The following PLK5 variants were observed in gnomAD, a reference collection of about 807,000 sequenced individuals.
PLK5 encodes inactive serine/threonine-protein kinase PLK5.
Under a neutral mutation model 33.7 loss-of-function variants are expected in PLK5, and 28 were observed. The ratio of observed to expected loss-of-function variants is 0.83; its 90% CI spans 0.62 to 1.14. PLK5 has a LOEUF of 1.14. Among genes scored for constraint, PLK5 ranks in the 50% most tolerant of loss-of-function variants. The pLI, the probability that PLK5 is intolerant of heterozygous loss-of-function variation, is 0.00. For synonymous variants in PLK5, 225 were observed against 202.2 expected, an observed-to-expected ratio of 1.11 and a Z score of -0.96; for missense variants, 492 against 461.5, an observed-to-expected ratio of 1.07 and a Z score of -0.61.
rs902528022 is a variant in PLK5 at position 1,524,093 on chromosome 19, G to C, written c.-697G>C. 2.6e-5 allele frequency: 4 copies of C among 151,188 alleles called. No individual in the cohort carries two copies. Among genetic ancestry groups the C allele is most frequent in the Non-Finnish European group, 4.4e-5 (3 of 67,674 alleles). 9.4% of individuals were successfully genotyped at this position (151,188 alleles called of 1,614,324 possible). On this transcript the variant is annotated 5_prime_UTR_variant, in exon 1 of 14. Coordinates refer to ENST00000454744, the MANE Select transcript of PLK5 (RefSeq NM_001243079.2). The surrounding 1 kb of genome is among the most constrained non-coding windows in gnomAD (Gnocchi z 4.5). Reference sequence around the variant, plus strand: ...TGCGCCCTCAGAGCGGCCCCGGAGCGGCCGCAGCGCGGTGGTCTCGGCCCG... The same window carrying C: ...TGCGCCCTCAGAGCGGCCCCGGAGCCGCCGCAGCGCGGTGGTCTCGGCCCG...
chr19:1,533,195 G>A (rs1038211851), intron 12 of PLK5, among the ~76,000 whole-genome samples: 1 of 151,652 alleles, frequency 6.6e-6, no homozygotes, highest in Non-Finnish European at 1.5e-5. Context: ...TCGGCTCAGC[G>A]CAACCTCCCC....
chr19:1,534,130 G>C, intron 13 of PLK5, 89 bp downstream of exon 13: 1 of 906,620 alleles, frequency 1.1e-6, no homozygotes, highest in Non-Finnish European at 1.6e-6. Context: ...CTTTGGGGGA[G>C]CCTTAGGAAG....
In PLK5 at chr19:1,529,168, C is replaced by G. The variant is rs892978248; in HGVS notation, c.405+194C>G. 4.6e-6 allele frequency: 3 copies of G among 656,190 alleles called. No individual in the cohort carries two copies. In the African/African-American group the frequency reaches 5.5e-5, roughly 12 times the overall value. 40.6% of individuals were successfully genotyped at this position (656,190 alleles called of 1,614,324 possible). On this transcript the variant is annotated intron_variant, in intron 9 of 13. Transcript: ENST00000454744. Reference sequence around the variant, plus strand: ...TCCAAATGTGCCCACCTGGGCTTTCCCAAGGGCCGGGCTCGAGGCCATGGG... The same window carrying G: ...TCCAAATGTGCCCACCTGGGCTTTCGCAAGGGCCGGGCTCGAGGCCATGGG...
chr19:1,529,344 C>G, intron 9 of PLK5, 62 bp from the exon 10 acceptor site: 1 of 1,408,384 alleles, frequency 7.1e-7, no homozygotes, highest in Non-Finnish European at 9.7e-7. Flanking sequence ...CTGCCACCCA[C>G]CTCACGCCTG....
At chr19:1,532,902 G>C (rs971725861) in intron 12 of PLK5, among the ~76,000 whole-genome samples, 1 of 151,662 alleles carries the variant, frequency 6.6e-6, no homozygotes, top group Non-Finnish European at 1.5e-5. Flanking sequence ...TCCTGACCTC[G>C]TGATCTGCCC....
In PLK5 at chr19:1,528,150, C is replaced by CAGCGTGGGGTCCCT. The variant is rs1555695186; in HGVS notation, c.201+16_201+17insAGCGTGGGGTCCCT. On this transcript the variant is annotated intron_variant, in intron 7 of 13. Transcript: ENST00000454744. ...CTTCACACAGGTGGGCGGCGGTCCT[C>CAGCGTGGGGTCCCT]GGCGTGGGGTCCCTGGCGTGGGGTC... is the stretch of plus-strand genomic sequence containing the variant. 4 of 1,509,990 alleles carry CAGCGTGGGGTCCCT rather than the reference C, an allele frequency of 2.6e-6. No homozygotes were observed. The East Asian group carries it at 7.4e-5, about 28-fold the overall frequency. The allele number at this position is 1,509,990 out of a possible 1,614,324, so 93.5% of individuals were successfully genotyped here.
intron 12 of PLK5, among the ~76,000 whole-genome samples, chr19:1,533,381 G>A (rs529634179): frequency 1.3e-5 from 2 of 152,246 alleles, no homozygotes; most frequent in Admixed American, 6.5e-5. Flanking sequence ...GTGAGCCACC[G>A]CGCCCGGCCT....
chr19:1,527,858 G>A, intron 6 of PLK5, 78 bp from the exon 7 acceptor site: 1 of 1,399,706 alleles, frequency 7.1e-7, no homozygotes, highest in Non-Finnish European at 9.6e-7. Context: ...AAGCTGTGTA[G>A]GCAGGTCTGG....
chr19:1,526,644 G>C, intron 4 of PLK5, 29 bp downstream of exon 4: 1 of 377,380 alleles, frequency 2.6e-6, no homozygotes, highest in Admixed American at 4.1e-5. Context: ...AACTGTGGGC[G>C]GGGGCGTCGG....
chr19:1,534,790 C>A (rs1490083521), intron 13 of PLK5, among the ~76,000 whole-genome samples: 1 of 150,960 alleles, frequency 6.6e-6, no homozygotes, highest in East Asian at 2.0e-4. Context: ...GCACTCCAGC[C>A]TGGGTGACAG....
chr19:1,533,934 G>T lies in PLK5; in HGVS notation c.718G>T (p.Gly240Trp), dbSNP rs1167467760. ...CCTCAGCCGAGTCTGTCCACAGGAG[G>T]GGACCCTCCCCACACCTGTGCCACC... The part of the protein sequence containing the change: ...PHGPATPRRE[G>W]TLPTPVPPAG... Residue 240 changes from glycine (G) to tryptophan (W), a missense_variant, in exon 13 of 14, where the codon GGG becomes TGG. Gly to Trp is a radical substitution (Grantham distance 184, BLOSUM62 -2). Transcript: ENST00000454744. The T allele has an allele frequency of 1.3e-6, 2 of 1,533,562 alleles. No homozygotes were observed. Among genetic ancestry groups the T allele is most frequent in the African/African-American group, 1.4e-5 (1 of 73,074 alleles). 95.0% of individuals were successfully genotyped at this position (1,533,562 alleles called of 1,614,324 possible). A position where few individuals can be genotyped will look rare whatever the true frequency, so the allele number is the denominator to read the frequency against.
In PLK5 at chr19:1,532,836, T is replaced by G. The variant is rs1913971575; in HGVS notation, c.714+953T>G. 1.3e-5 allele frequency among the ~76,000 whole-genome samples: 2 copies of G among 151,884 alleles called. 1 individual carries two copies. Among genetic ancestry groups the G allele is most frequent in the Admixed American group, 1.3e-4 (2 of 15,242 alleles). On this transcript the variant is annotated intron_variant, in intron 12 of 13. Coordinates refer to ENST00000454744, the MANE Select transcript of PLK5 (RefSeq NM_001243079.2). ...CGCGCTCAGCCACTCCTGGCTAATT[T>G]TTTGTATTTTTAGTAGAGACGGGGT...
At chr19:1,529,542 A>C (rs1047779010) in intron 10 of PLK5, 52 bp downstream of exon 10, 6 of 1,505,154 alleles carry the variant, frequency 4.0e-6, no homozygotes, top group Non-Finnish European at 5.4e-6. Flanking sequence ...GGGAGGAATT[A>C]CAAGTGACAG....
chr19:1,526,852 T>A (rs1298286523), intron 5 of PLK5, 51 bp from the exon 6 acceptor site: 5 of 1,040,066 alleles, frequency 4.8e-6, no homozygotes, highest in Non-Finnish European at 7.1e-6. Flanking sequence ...GGCCCTGAAG[T>A]CTGGCACGGG....
chr19:1,534,089 G>GT, intron 13 of PLK5, 48 bp downstream of exon 13: 1 of 1,437,560 alleles, frequency 7.0e-7, no homozygotes, highest in Non-Finnish European at 9.4e-7. Context: ...GCAGGGTGGG[G>GT]TCTGGCCTGC....
In PLK5 at chr19:1,535,084, C is replaced by T. The variant is rs746444604; in HGVS notation, c.845C>T (p.Pro282Leu). 42 of 1,532,158 alleles carry T rather than the reference C, an allele frequency of 2.7e-5. No individual in the cohort carries two copies. The highest frequency in any genetic ancestry group is 1.7e-4 in the Middle Eastern group (1 of 5,960). The allele number at this position is 1,532,158 out of a possible 1,614,324, so 94.9% of individuals were successfully genotyped here. Reference sequence around the variant, plus strand: ...TTGCAGGTGAGCTTCAGTGGAGTCCCGGCCCAACTGGTGCTGAGTGGCGAG... The same window carrying T: ...TTGCAGGTGAGCTTCAGTGGAGTCCTGGCCCAACTGGTGCTGAGTGGCGAG... ...GMVQVSFSGV[P>L]AQLVLSGEGE... is the part of the protein sequence containing the mutation. Residue 282 changes from proline to leucine, a missense_variant, in exon 14 of 14, where the codon CCG (proline) becomes CTG (leucine). Transcript: ENST00000454744.
At chr19:1,531,982 A>G in intron 12 of PLK5, 99 bp downstream of exon 12, 2 of 1,286,672 alleles carry the variant, frequency 1.6e-6, no homozygotes, top group Non-Finnish European at 1.0e-6. Context: ...GTGCACACCT[A>G]CAGGTGCTCC....
intron 9 of PLK5, 83 bp from the exon 10 acceptor site, chr19:1,529,323 G>A: frequency 8.0e-7 from 1 of 1,248,026 alleles, no homozygotes; most frequent in Non-Finnish European, 1.1e-6. Flanking sequence ...GGCACAGGCA[G>A]GGGCCAGAGC....
chr19:1,525,339 T>G lies in PLK5; in HGVS notation c.-509T>G, dbSNP rs1599301899. On this transcript the variant is annotated 5_prime_UTR_variant, in exon 2 of 14. It removes an upstream start codon present in the reference 5' UTR. Transcript: ENST00000454744. ...AGCCGCTGCTACAAGCTGACAGACA[T>G]GTCCACCAGCGCCGTGTTCGCCCTC... 1.3e-5 allele frequency: 2 copies of G among 152,802 alleles called. No homozygotes were observed. The highest frequency in any genetic ancestry group is 2.4e-5 in the African/African-American group (1 of 41,468). 9.5% of individuals were successfully genotyped at this position (152,802 alleles called of 1,614,324 possible).
Sources: allele counts gnomAD v4.1 joint callset (sites outside exome capture counted in the v4.1 genomes callset), GRCh38; gene constraint gnomAD v4.1.1; non-coding constraint Gnocchi (gnomAD v3.1); transcripts MANE v1.5; gene names NCBI Gene and HGNC (gene_info 2026-07-23, HGNC 2026-07-21).